Variants in MLLT10 observed in about 807,000 individuals in gnomAD.
MLLT10 encodes MLLT10 histone lysine methyltransferase DOT1L cofactor.
MLLT10 carries 30 observed loss-of-function variants against 129.1 expected under a neutral mutation model. The ratio of observed to expected loss-of-function variants is 0.23; its 90% CI spans 0.17 to 0.32. MLLT10 has a LOEUF of 0.32. Ranked by LOEUF, MLLT10 falls within the 10% of genes least tolerant of loss-of-function variation. MLLT10 has a pLI of 1.00. For missense variants in MLLT10, 1,119 were observed against 1,268.3 expected (o/e 0.88, Z 1.79); for synonymous variants, 490 against 446.4 (o/e 1.10, Z -1.23).
At chr10:21,556,865 GA>G in intron 3 of MLLT10, 1 of 1,551,260 alleles carries the variant, frequency 6.4e-7, no homozygotes, top group Non-Finnish European at 8.7e-7. Context: ...AGTTTCCAGG[GA>G]TATTCTTTTT....
chr10:21,548,677 T>A (rs989685444), intron 3 of MLLT10, among the ~76,000 whole-genome samples: 5 of 152,196 alleles, frequency 3.3e-5, no homozygotes, highest in Non-Finnish European at 7.3e-5. Context: ...CCTTTCTGTC[T>A]TATCTTTGCA....
intron 13 of MLLT10, among the ~76,000 whole-genome samples, chr10:21,691,483 A>G (rs748541029): frequency 1.3e-5 from 2 of 152,308 alleles, no homozygotes; most frequent in Non-Finnish European, 2.9e-5. Context: ...TTTTTCCATC[A>G]TGCATGCATT....
intron 8 of MLLT10, among the ~76,000 whole-genome samples, chr10:21,641,191 T>G (rs2131294659): frequency 6.6e-6 from 1 of 152,312 alleles, no homozygotes; most frequent in South Asian, 2.1e-4. Flanking sequence ...TCTACCTCAT[T>G]TTAGCCCATT....
At chr10:21,619,015 C>T (rs569787048) in intron 8 of MLLT10, among the ~76,000 whole-genome samples, 103 of 142,236 alleles carry the variant, frequency 7.2e-4, no homozygotes, top group African/African-American at 2.6e-3. Flanking sequence ...CGTGAGCCAC[C>T]GTGCCTGGTG....
intron 9 of MLLT10, among the ~76,000 whole-genome samples, chr10:21,669,525 T>C (rs1038696172): frequency 6.6e-6 from 1 of 152,190 alleles, no homozygotes; most frequent in Non-Finnish European, 1.5e-5. Flanking sequence ...TATTAACTTA[T>C]CCAACAAAAA....
intron 8 of MLLT10, among the ~76,000 whole-genome samples, chr10:21,635,206 T>C (rs958545637): frequency 2.6e-5 from 4 of 152,168 alleles, no homozygotes; most frequent in African/African-American, 9.7e-5. Context: ...TGACTAAATA[T>C]TTAGTGCTTT....
intron 14 of MLLT10, among the ~76,000 whole-genome samples, chr10:21,718,001 C>T (rs1459994490): frequency 2.0e-5 from 3 of 151,544 alleles, no homozygotes; most frequent in African/African-American, 7.3e-5. Context: ...CCCGCCACCA[C>T]GCCTGGCTAA....
At chr10:21,577,905 A>AT (rs1409588834) in intron 3 of MLLT10, among the ~76,000 whole-genome samples, 1 of 151,342 alleles carries the variant, frequency 6.6e-6, no homozygotes, top group African/African-American at 2.4e-5. Context: ...TCATTATATT[A>AT]TTTTTTTAGA....
At chr10:21,607,897 T>G (rs763953542) in intron 5 of MLLT10, among the ~76,000 whole-genome samples, 8 of 152,180 alleles carry the variant, frequency 5.3e-5, no homozygotes, top group Non-Finnish European at 1.0e-4. Context: ...ATTTCTTTTT[T>G]GTCACATCTG....
At chr10:21,619,991 G>T (rs559701280) in intron 8 of MLLT10, among the ~76,000 whole-genome samples, 1 of 148,656 alleles carries the variant, frequency 6.7e-6, no homozygotes, top group African/African-American at 2.5e-5. Context: ...GTGCAGTGGC[G>T]CAGTCTCAGC....
At chr10:21,707,653 C>T (rs1380090088) in intron 13 of MLLT10, among the ~76,000 whole-genome samples, 3 of 152,200 alleles carry the variant, frequency 2.0e-5, no homozygotes, top group African/African-American at 7.2e-5. Context: ...CCCTTTGCTA[C>T]ATAAGAGTCA....
At chr10:21,658,354 A>G (rs1037245163) in intron 9 of MLLT10, among the ~76,000 whole-genome samples, 2 of 152,224 alleles carry the variant, frequency 1.3e-5, no homozygotes, top group African/African-American at 2.4e-5. Flanking sequence ...TAAAAAATGG[A>G]AACATATAGT....
rs112033003 is a variant in MLLT10 at position 21,648,056 on chromosome 10, A to G, written c.700-3617A>G. The stretch of plus-strand genomic sequence containing the variant: ...TTCCCCTAAATTATTAACCAGTTCT[A>G]GTACCATTATTAAGTAATTTTAGTC... On this transcript the variant is annotated intron_variant, in intron 8 of 22. Transcript: ENST00000307729. 5.9e-5 allele frequency among the ~76,000 whole-genome samples: 9 copies of G among 152,296 alleles called. 1 individual carries two copies. Among genetic ancestry groups the G allele is most frequent in the African/African-American group, 2.2e-4 (9 of 41,582 alleles).
chr10:21,594,781 C>G (rs1280993812), intron 4 of MLLT10, among the ~76,000 whole-genome samples: 1 of 134,892 alleles, frequency 7.4e-6, no homozygotes, highest in Non-Finnish European at 1.6e-5. Flanking sequence ...TTGCGGTGAG[C>G]CGAGATCGCG....
At chr10:21,605,627 G>A (rs2043986065) in intron 5 of MLLT10, among the ~76,000 whole-genome samples, 1 of 152,000 alleles carries the variant, frequency 6.6e-6, no homozygotes, top group African/African-American at 2.4e-5. Context: ...TGTTTATAGT[G>A]ACTGGGTATG....
intron 13 of MLLT10, among the ~76,000 whole-genome samples, chr10:21,684,096 C>T (rs895215575): frequency 7.2e-5 from 11 of 152,064 alleles, no homozygotes; most frequent in Admixed American, 2.0e-4. Context: ...TTGCAACCTT[C>T]AACTCCTGGT....
intron 5 of MLLT10, among the ~76,000 whole-genome samples, chr10:21,611,936 C>T (rs1298649262): frequency 6.6e-6 from 1 of 151,596 alleles, no homozygotes; most frequent in African/African-American, 2.4e-5. Flanking sequence ...TGTTTCAAAC[C>T]CTCTTAGATA....
chr10:21,717,253 C>CAAAAAAAAA (rs747244556), intron 14 of MLLT10, among the ~76,000 whole-genome samples: 1 of 63,558 alleles, frequency 1.6e-5, no homozygotes, highest in Non-Finnish European at 2.8e-5. Flanking sequence ...AACTCCGTCT[C>CAAAAAAAAA]AAAAAAAAAA....
At chr10:21,645,905 G>GT (rs2048425291) in intron 8 of MLLT10, among the ~76,000 whole-genome samples, 1 of 152,112 alleles carries the variant, frequency 6.6e-6, no homozygotes, top group Non-Finnish European at 1.5e-5. Flanking sequence ...CTAAACTTAA[G>GT]TTAAAAACTC....
Sources: allele counts gnomAD v4.1 joint callset (sites outside exome capture counted in the v4.1 genomes callset), GRCh38; gene constraint gnomAD v4.1.1; transcripts MANE v1.5; gene names NCBI Gene and HGNC (gene_info 2026-07-23, HGNC 2026-07-21).